FIG4: variants seen among roughly 807,000 people sequenced by gnomAD.
The protein encoded by FIG4 is FIG4 phosphoinositide 5-phosphatase.
In FIG4, 112 loss-of-function variants were observed where a neutral mutation model predicts 118.6. The ratio of observed to expected loss-of-function variants is 0.94; its 90% CI spans 0.81 to 1.11. The LOEUF is 1.11. Ranked by LOEUF, FIG4 falls within the 50% of genes least tolerant of loss-of-function variation. The probability of loss-of-function intolerance (pLI) is 0.00; values close to 1 mark genes in which losing one functional copy is unlikely to be tolerated. For missense variants in FIG4, 969 were observed against 1,111.7 expected, an observed-to-expected ratio of 0.87 and a Z score of 1.83; for synonymous variants, 369 against 381.2, an observed-to-expected ratio of 0.97 and a Z score of 0.37.
chr6:109,767,931 A>G (rs1777333639), intron 15 of FIG4, among the ~76,000 whole-genome samples: 1 of 152,138 alleles, frequency 6.6e-6, no homozygotes, highest in South Asian at 2.1e-4. Context: ...ACCCACCCTC[A>G]GTGAAAAGAG....
chr6:109,749,055 CTGTGTGTGTGTGTGTGTGTGTGTGTG>C (rs113357544), intron 10 of FIG4, among the ~76,000 whole-genome samples: 1 of 132,480 alleles, frequency 7.5e-6, no homozygotes, highest in African/African-American at 2.8e-5. Flanking sequence ...CAAAGGAGCT[CTGTGTGTGTGTGTGTGTGTGTGTGTG>C]TGTGTGTGTG....
In FIG4 at chr6:109,762,168, G is replaced by A. The variant is rs188547769; in HGVS notation, c.1349G>A (p.Arg450His). 7 of 1,612,538 alleles carry A rather than the reference G, an allele frequency of 4.3e-6. No homozygotes were observed. Among genetic ancestry groups the A allele is most frequent in the Admixed American group, 1.7e-5 (1 of 59,994 alleles). ...AAGAAAACAGGTTTCTTTGTAAACC[G>A]CCCTGATTCTTACTGTAGCATTTTG... ...VVKKTGFFVN[R>H]PDSYCSILRP... The change falls in exon 12 of 23, where the codon CGC becomes CAC. Residue 450 changes from arginine (R) to histidine (H), a missense_variant. Physicochemically the swap from Arg to His is conservative, Grantham distance 29. Transcript: ENST00000230124.
chr6:109,814,487 T>C (rs1214159783), intron 22 of FIG4, among the ~76,000 whole-genome samples: 1 of 152,108 alleles, frequency 6.6e-6, no homozygotes, highest in Non-Finnish European at 1.5e-5. Flanking sequence ...TCATCTGAGC[T>C]TTTCTACTGT....
intron 21 of FIG4, 38 bp from the exon 22 acceptor site, chr6:109,796,726 TC>T: frequency 8.7e-7 from 1 of 1,151,046 alleles, no homozygotes; most frequent in Non-Finnish European, 1.3e-6. Context: ...TTGCAAGTAC[TC>T]CCTTCTTTAG....
chr6:109,810,431 T>C (rs1283728419), intron 22 of FIG4, among the ~76,000 whole-genome samples: 2 of 152,170 alleles, frequency 1.3e-5, no homozygotes, highest in African/African-American at 4.8e-5. Flanking sequence ...GCTGCCTTGC[T>C]GGTGCATGGG....
chr6:109,788,054 G>T (rs1778033518), intron 18 of FIG4, among the ~76,000 whole-genome samples: 1 of 152,082 alleles, frequency 6.6e-6, no homozygotes, highest in South Asian at 2.1e-4. Context: ...CAGGCTTTGT[G>T]TTAGATGACT....
chr6:109,825,344 T>A lies in FIG4; in HGVS notation c.*79T>A. 1 of 1,362,862 alleles carries A rather than the reference T, an allele frequency of 7.3e-7. No individual in the cohort carries two copies. Among genetic ancestry groups the A allele is most frequent in the Non-Finnish European group, 1.0e-6 (1 of 959,456 alleles). The allele number at this position is 1,362,862 out of a possible 1,614,324, so 84.4% of individuals were successfully genotyped here. On this transcript the variant is annotated 3_prime_UTR_variant, in exon 23 of 23. Coordinates refer to ENST00000230124, the MANE Select transcript of FIG4 (RefSeq NM_014845.6). ...GTCTCATCTTCAAAAGGTAACTTAT[T>A]AAAAGTCCTTTGCGTCTGAAGCCTT...
chr6:109,743,387 G>T, intron 9 of FIG4, 115 bp downstream of exon 9: 2 of 996,412 alleles, frequency 2.0e-6, no homozygotes, highest in South Asian at 2.8e-5. Flanking sequence ...AGTCCTGGAA[G>T]GTAGATAATT....
intron 2 of FIG4, among the ~76,000 whole-genome samples, chr6:109,716,067 G>A (rs1474755737): frequency 1.3e-5 from 2 of 152,240 alleles, no homozygotes; most frequent in East Asian, 1.9e-4. Context: ...TGGTCAGAGA[G>A]CCCTTTGAAA....
chr6:109,770,014 A>T (rs565851890), intron 15 of FIG4, among the ~76,000 whole-genome samples: 1 of 152,228 alleles, frequency 6.6e-6, no homozygotes, highest in African/African-American at 2.4e-5. Flanking sequence ...TATGGGGTCA[A>T]CTCACCTGAC....
chr6:109,825,370 T>C lies in FIG4; in HGVS notation c.*105T>C. The C allele has an allele frequency of 1.9e-6, 2 of 1,063,506 alleles. No individual in the cohort carries two copies. The highest frequency in any genetic ancestry group is 2.8e-6 in the Non-Finnish European group (2 of 705,844). 65.9% of individuals were successfully genotyped at this position (1,063,506 alleles called of 1,614,324 possible). ...AAAAGTCCTTTGCGTCTGAAGCCTTTCTCCTTTTCTGTCACTTGCAAATTC... is the reference window on the plus strand; with the variant it reads ...AAAAGTCCTTTGCGTCTGAAGCCTTCCTCCTTTTCTGTCACTTGCAAATTC... On this transcript the variant is annotated 3_prime_UTR_variant, in exon 23 of 23. Transcript: ENST00000230124.
chr6:109,762,359 G>C (rs145896772), intron 12 of FIG4, 152 bp downstream of exon 12: 1 of 665,316 alleles, frequency 1.5e-6, no homozygotes, highest in African/African-American at 1.8e-5. Context: ...ATGTTCACTG[G>C]GGCATGGGAA....
chr6:109,744,004 T>C (rs1254128312), intron 10 of FIG4, among the ~76,000 whole-genome samples: 1 of 151,792 alleles, frequency 6.6e-6, no homozygotes, highest in East Asian at 1.9e-4. Flanking sequence ...TCTAAGGGAG[T>C]AGAGTGATTC....
At chr6:109,736,447 A>G (rs989165531) in intron 6 of FIG4, among the ~76,000 whole-genome samples, 3 of 152,138 alleles carry the variant, frequency 2.0e-5, no homozygotes, top group African/African-American at 7.2e-5. Context: ...TAGATCACAT[A>G]CATTTGCCCT....
Position 109,786,045 on chromosome 6 carries a change from C to T in FIG4, c.1949-257C>T, listed in dbSNP as rs551289033. 370 of 499,202 alleles carry T rather than the reference C, an allele frequency of 7.4e-4. 2 individuals carry two copies. Among genetic ancestry groups the T allele is most frequent in the Middle Eastern group, 2.7e-3 (5 of 1,828 alleles). The allele number at this position is 499,202 out of a possible 1,614,324, so 30.9% of individuals were successfully genotyped here. ...TTAAAGAACCTCCTCTAAATAACTG[C>T]CTGCTCCCATTGGACTTCCTGAGGC... On this transcript the variant is annotated intron_variant, in intron 17 of 22. Coordinates refer to ENST00000230124, the MANE Select transcript of FIG4 (RefSeq NM_014845.6).
At position 109,786,288 on chromosome 6, in the gene FIG4, A is replaced by C. The variant is rs745521152; in HGVS notation, c.1949-14A>C. 7 of 1,605,514 alleles carry C rather than the reference A, an allele frequency of 4.4e-6. No individual in the cohort carries two copies. In the African/African-American group the frequency reaches 9.4e-5, roughly 22 times the overall value. ...ATCTCAGACTTTTAGAGTAACATGC[A>C]GTATCTCTCTTAGTTATCTGTGCTG... On this transcript the variant is annotated splice_polypyrimidine_tract_variant and intron_variant, in intron 17 of 22. Transcript: ENST00000230124.
intron 14 of FIG4, among the ~76,000 whole-genome samples, chr6:109,765,925 A>G (rs1470553138): frequency 6.6e-6 from 1 of 152,228 alleles, no homozygotes; most frequent in East Asian, 1.9e-4. Flanking sequence ...TGCACTGGAA[A>G]TATTAACAGA....
At chr6:109,702,007 C>T (rs1219433708) in intron 1 of FIG4, among the ~76,000 whole-genome samples, 3 of 152,156 alleles carry the variant, frequency 2.0e-5, no homozygotes, top group Non-Finnish European at 2.9e-5. Flanking sequence ...CCCTTCTGGG[C>T]GGCATTACCC....
chr6:109,796,688 C>A lies in FIG4; in HGVS notation c.2460-77C>A, dbSNP rs572552383. 3 of 861,042 alleles carry A rather than the reference C, an allele frequency of 3.5e-6. No homozygotes were observed. In the East Asian group the frequency reaches 7.2e-5, roughly 21 times the overall value. The allele number at this position is 861,042 out of a possible 1,614,324, so 53.3% of individuals were successfully genotyped here. On this transcript the variant is annotated intron_variant, in intron 21 of 22. Coordinates refer to ENST00000230124, the MANE Select transcript of FIG4 (RefSeq NM_014845.6). ...CATACTACTGAAATTTGAAAGCTTA[C>A]ACCATTTTGTGTGATCTACTGAATT...
Sources: allele counts gnomAD v4.1 joint callset (sites outside exome capture counted in the v4.1 genomes callset), GRCh38; gene constraint gnomAD v4.1.1; transcripts MANE v1.5; gene names NCBI Gene and HGNC (gene_info 2026-07-23, HGNC 2026-07-21).